The following THSD7B variants were observed in gnomAD, a reference collection of about 807,000 sequenced individuals.
THSD7B encodes thrombospondin type-1 domain-containing protein 7B.
A neutral mutation model predicts 213.6 loss-of-function variants in THSD7B; 138 were observed. The ratio of observed to expected loss-of-function variants is 0.65; its 90% CI spans 0.56 to 0.74. The LOEUF is 0.74. Ranked by LOEUF, THSD7B falls within the 30% of genes least tolerant of loss-of-function variation. THSD7B has a pLI of 0.00. For missense variants in THSD7B, 1,931 were observed against 1,991.5 expected (o/e 0.97, Z 0.58); for synonymous variants, 742 against 687.0 (o/e 1.08, Z -1.25).
intron 2 of THSD7B, among the ~76,000 whole-genome samples, chr2:136,903,193 T>C (rs778642425): frequency 6.6e-6 from 1 of 152,108 alleles, no homozygotes; most frequent in Non-Finnish European, 1.5e-5. Flanking sequence ...TTAGATAATA[T>C]ATGAAAACAC....
At chr2:136,814,388 T>TTTTTA (rs1156318419) in intron 1 of THSD7B, among the ~76,000 whole-genome samples, 5 of 152,000 alleles carry the variant, frequency 3.3e-5, no homozygotes, top group African/African-American at 1.2e-4. Flanking sequence ...GTTTTTTTTC[T>TTTTTA]TTTTATTTTA....
chr2:136,865,167 G>A (rs1445344483), intron 1 of THSD7B, among the ~76,000 whole-genome samples: 1 of 152,122 alleles, frequency 6.6e-6, no homozygotes, highest in Non-Finnish European at 1.5e-5. Flanking sequence ...CTAGAGAACT[G>A]CCCTTTGCCT....
At position 137,411,854 on chromosome 2, in the gene THSD7B, T is replaced by G. The variant is rs747617147; in HGVS notation, c.2941T>G (p.Ser981Ala). ...SDKNGRPVDP[S>A]FCSSSGYIQE... ...TAAAAATGGAAGACCTGTTGACCCC[T>G]CCTTCTGCAGCAGCTCTGGTAAGGA... The change falls in exon 14 of 28, where the codon TCC becomes GCC. Residue 981 changes from serine (S) to alanine (A), a missense_variant. Transcript: ENST00000409968. The G allele has an allele frequency of 7.6e-5, 123 of 1,613,984 alleles. 1 individual carries two copies. The Admixed American group carries it at 7.7e-4, about 10-fold the overall frequency.
intron 2 of THSD7B, among the ~76,000 whole-genome samples, chr2:136,901,495 A>T (rs928623144): frequency 6.6e-6 from 1 of 152,250 alleles, no homozygotes; most frequent in African/African-American, 2.4e-5. Context: ...TCTGAAGTAG[A>T]CGATAAGGTC....
chr2:137,006,843 T>A (rs959432194), intron 2 of THSD7B, among the ~76,000 whole-genome samples: 5 of 152,236 alleles, frequency 3.3e-5, no homozygotes, highest in African/African-American at 7.2e-5. Context: ...CATACAGTTT[T>A]AAAAGATTTC....
intron 14 of THSD7B, among the ~76,000 whole-genome samples, chr2:137,420,012 G>T (rs998419590): frequency 1.3e-5 from 2 of 151,982 alleles, no homozygotes; most frequent in African/African-American, 4.8e-5. Flanking sequence ...GTTTTTTAAG[G>T]AAACTCCATA....
intron 1 of THSD7B, among the ~76,000 whole-genome samples, chr2:136,776,351 A>G (rs1402392289): frequency 6.6e-6 from 1 of 152,102 alleles, no homozygotes; most frequent in African/African-American, 2.4e-5. Flanking sequence ...GGGTTAAGGA[A>G]CCTAGGGGTT....
Position 137,471,947 on chromosome 2 carries a change from A to T in THSD7B, c.3138+20924A>T, listed in dbSNP as rs1399499883. On this transcript the variant is annotated intron_variant, in intron 15 of 27. Transcript: ENST00000409968. ...ATGAAAATATTATTCTTGGAATTCA[A>T]GTCTCTATCAAAAATGATAATGTGA... 5.9e-5 allele frequency among the ~76,000 whole-genome samples: 9 copies of T among 152,304 alleles called. No homozygotes were observed. In the South Asian group the frequency reaches 1.9e-3, roughly 32 times the overall value.
At chr2:136,823,312 G>T (rs1292005515) in intron 1 of THSD7B, among the ~76,000 whole-genome samples, 3 of 152,188 alleles carry the variant, frequency 2.0e-5, no homozygotes, top group Non-Finnish European at 4.4e-5. Flanking sequence ...AGCTGCTAAA[G>T]AACAGTTTAG....
chr2:137,593,658 T>A (rs1201630330), intron 17 of THSD7B, among the ~76,000 whole-genome samples: 1 of 152,030 alleles, frequency 6.6e-6, no homozygotes, highest in African/African-American at 2.4e-5. Context: ...GTTATTTGTA[T>A]ATTCTGGATG....
chr2:136,796,552 C>T (rs1027715991), intron 1 of THSD7B, among the ~76,000 whole-genome samples: 16 of 151,916 alleles, frequency 1.1e-4, no homozygotes, highest in African/African-American at 3.9e-4. Flanking sequence ...TGGGTGCTAC[C>T]TGTAGGTGAC....
rs1686188727 is a variant in THSD7B, at chr2:137,396,394, T to C, written c.2501-9219T>C. Among the ~76,000 whole-genome samples the C allele has an allele frequency of 1.4e-5, 2 of 146,520 alleles. 1 individual carries two copies. Among genetic ancestry groups the C allele is most frequent in the Admixed American group, 1.4e-4 (2 of 14,490 alleles). Reference sequence around the variant, plus strand: ...GTTCTCATTGGTTTCAAAGAACATCTTTATTTCTGCCTTCATTTCGTTATG... The same window carrying C: ...GTTCTCATTGGTTTCAAAGAACATCCTTATTTCTGCCTTCATTTCGTTATG... On this transcript the variant is annotated intron_variant, in intron 12 of 27. Coordinates refer to ENST00000409968, the MANE Select transcript of THSD7B (RefSeq NM_001316349.2).
intron 2 of THSD7B, among the ~76,000 whole-genome samples, chr2:137,050,180 G>C (rs746954937): frequency 2.0e-5 from 3 of 152,218 alleles, no homozygotes; most frequent in Non-Finnish European, 4.4e-5. Flanking sequence ...ACTTGTGTCA[G>C]ATTGCTGTGA....
At chr2:137,087,384 C>T (rs923383725) in intron 3 of THSD7B, among the ~76,000 whole-genome samples, 8 of 152,148 alleles carry the variant, frequency 5.3e-5, no homozygotes, top group Admixed American at 4.6e-4. Flanking sequence ...TCGCTATTTG[C>T]CGATGACATG....
At chr2:137,131,037 C>G (rs1328770064) in intron 5 of THSD7B, among the ~76,000 whole-genome samples, 1 of 145,870 alleles carries the variant, frequency 6.9e-6, no homozygotes, top group Non-Finnish European at 1.5e-5. Flanking sequence ...CTCTCCAGCA[C>G]CTGTTGTTTC....
chr2:137,238,546 T>C (rs1436970042), intron 9 of THSD7B, among the ~76,000 whole-genome samples: 1 of 111,836 alleles, frequency 8.9e-6, no homozygotes, highest in African/African-American at 3.5e-5. Flanking sequence ...TTTTTTTTTT[T>C]TTTTTTTTTT....
intron 26 of THSD7B, among the ~76,000 whole-genome samples, chr2:137,665,813 A>T (rs1573775540): frequency 6.6e-6 from 1 of 152,324 alleles, no homozygotes; most frequent in East Asian, 1.9e-4. Flanking sequence ...AGGGATACTA[A>T]GAAGAGGTAG....
At chr2:137,540,303 T>G (rs1481446717) in intron 15 of THSD7B, among the ~76,000 whole-genome samples, 1 of 151,710 alleles carries the variant, frequency 6.6e-6, no homozygotes, top group African/African-American at 2.4e-5. Flanking sequence ...GCAAAACTTG[T>G]CAAAATCAAG....
intron 18 of THSD7B, among the ~76,000 whole-genome samples, chr2:137,618,038 T>C (rs773051593): frequency 3.3e-5 from 5 of 152,158 alleles, no homozygotes; most frequent in Non-Finnish European, 7.3e-5. Flanking sequence ...TTCTGGGTTG[T>C]TTTTTCTCCA....
Sources: gnomAD v4.1 joint callset for allele counts (sites outside exome capture counted in the v4.1 genomes callset) on GRCh38, gnomAD v4.1.1 for gene constraint, MANE v1.5 for transcripts, NCBI Gene and HGNC (gene_info 2026-07-23, HGNC 2026-07-21) for gene names.